The following ZBTB46 variants were observed in gnomAD, a reference collection of about 807,000 sequenced individuals.
ZBTB46 encodes the protein zinc finger and BTB domain containing 46.
In ZBTB46, 8 loss-of-function variants were observed where a neutral mutation model predicts 44.1. That is an observed-to-expected ratio of 0.18 (90% confidence interval 0.11 to 0.33). The LOEUF (loss-of-function observed/expected upper bound fraction) is 0.33. ZBTB46 is among the 10% of genes least tolerant of loss of function. The pLI is 1.00. For synonymous variants in ZBTB46, 409 were observed against 382.3 expected (o/e 1.07, Z -0.81); for missense variants, 651 against 847.7 (o/e 0.77, Z 2.88).
At chr20:63,791,482 C>A (rs1353364236) in intron 1 of ZBTB46, among the ~76,000 whole-genome samples, 1 of 117,116 alleles carries the variant, frequency 8.5e-6, no homozygotes, top group African/African-American at 3.3e-5. Context: ...GGCGACAGGG[C>A]GAGACTCCAT....
At chr20:63,756,452 C>T (rs373176811) in intron 3 of ZBTB46, among the ~76,000 whole-genome samples, 23 of 152,278 alleles carry the variant, frequency 1.5e-4, no homozygotes, top group African/African-American at 5.5e-4. Flanking sequence ...AGAGCATCTC[C>T]GAAAGGGATC....
intron 1 of ZBTB46, among the ~76,000 whole-genome samples, chr20:63,823,622 G>T (rs1417206009): frequency 6.6e-6 from 1 of 151,870 alleles, no homozygotes; most frequent in Non-Finnish European, 1.5e-5. Flanking sequence ...GATCACCTTA[G>T]CCCAGGTCGA....
chr20:63,749,527 G>T (rs538161834), intron 4 of ZBTB46, among the ~76,000 whole-genome samples: 1 of 152,006 alleles, frequency 6.6e-6, no homozygotes, highest in Non-Finnish European at 1.5e-5. Flanking sequence ...TAGTAGAGAC[G>T]GGGTTTCACC....
intron 3 of ZBTB46, among the ~76,000 whole-genome samples, chr20:63,755,884 T>C (rs757591541): frequency 1.1e-4 from 16 of 152,114 alleles, no homozygotes; most frequent in Non-Finnish European, 1.6e-4. Context: ...TCACGACCTG[T>C]CCTAAAAACG....
In ZBTB46 at chr20:63,790,585, G is replaced by A. The variant is rs772379123; in HGVS notation, c.173C>T (p.Thr58Met). Reference sequence around the variant, plus strand: ...CGTCTTCTGCACCTGGCAGTAGAGCGTCTTGAAGTAGCGGCTGCTGCCCAG... The same window carrying A: ...CGTCTTCTGCACCTGGCAGTAGAGCATCTTGAAGTAGCGGCTGCTGCCCAG... The part of the protein sequence containing the change: ...VLLGSSRYFK[T>M]LYCQVQKTSE... The change falls in exon 2 of 5, where the codon ACG becomes ATG. Residue 58 changes from threonine (T) to methionine (M), a missense_variant. Thr to Met is a moderately conservative substitution (Grantham distance 81). Around this residue, in one of 5 missense-constraint regions of ZBTB46, gnomAD observed 65 missense variants for 167.9 expected, o/e 0.39. Transcript: ENST00000245663. 6.8e-6 allele frequency: 11 copies of A among 1,613,120 alleles called. No homozygotes were observed. The highest frequency in any genetic ancestry group is 6.7e-5 in the East Asian group (3 of 44,894).
chr20:63,798,449 C>A (rs187647880), intron 1 of ZBTB46, among the ~76,000 whole-genome samples: 6 of 151,680 alleles, frequency 4.0e-5, no homozygotes, highest in African/African-American at 1.2e-4. Flanking sequence ...CCGAGGTGGG[C>A]GGATTACCTG....
chr20:63,753,627 G>A (rs981427976), intron 3 of ZBTB46, among the ~76,000 whole-genome samples: 2 of 152,214 alleles, frequency 1.3e-5, no homozygotes, highest in South Asian at 2.1e-4. Flanking sequence ...GGGACCCTAC[G>A]GGAGACCCAC....
chr20:63,817,879 C>G (rs576871556), intron 1 of ZBTB46, among the ~76,000 whole-genome samples: 13 of 152,276 alleles, frequency 8.5e-5, no homozygotes, highest in African/African-American at 3.1e-4. Context: ...CAGGAGGACC[C>G]TCCCCTGGAG....
chr20:63,800,670 T>C (rs11905140), intron 1 of ZBTB46, among the ~76,000 whole-genome samples: 27,342 of 152,102 alleles, frequency 0.18, 2,969 homozygotes, highest in East Asian at 0.45. Context: ...CCCAGGGCAA[T>C]GAGGGGCTTA....
chr20:63,794,150 C>T (rs1367340400), intron 1 of ZBTB46, among the ~76,000 whole-genome samples: 4 of 149,990 alleles, frequency 2.7e-5, no homozygotes, highest in African/African-American at 9.9e-5. Context: ...CGAGCCACTG[C>T]ACTCCATCCA....
At chr20:63,824,057 G>T (rs2146095743) in intron 1 of ZBTB46, among the ~76,000 whole-genome samples, 1 of 152,224 alleles carries the variant, frequency 6.6e-6, no homozygotes, top group African/African-American at 2.4e-5. Context: ...AGAGGCTCAG[G>T]GCAGGGTCGC....
intron 1 of ZBTB46, among the ~76,000 whole-genome samples, chr20:63,813,121 G>A (rs1260175061): frequency 6.9e-6 from 1 of 144,814 alleles, no homozygotes; most frequent in Non-Finnish European, 1.5e-5. Flanking sequence ...ACAAAAACAG[G>A]CATCAAAATA....
intron 1 of ZBTB46, among the ~76,000 whole-genome samples, chr20:63,805,226 C>A (rs1436954188): frequency 6.6e-6 from 1 of 152,088 alleles, no homozygotes; most frequent in Non-Finnish European, 1.5e-5. Context: ...ACCTACAGTA[C>A]CTTTTGAAAA....
At chr20:63,825,325 C>T (rs1272505359) in intron 1 of ZBTB46, among the ~76,000 whole-genome samples, 24 of 147,408 alleles carry the variant, frequency 1.6e-4, no homozygotes, top group Non-Finnish European at 3.0e-4. Flanking sequence ...CGCTTGAACC[C>T]GGGAGGCAGA....
chr20:63,791,072 T>G, intron 1 of ZBTB46: 1 of 334,482 alleles, frequency 3.0e-6, no homozygotes, highest in South Asian at 6.1e-5. Context: ...ATACGGCAAC[T>G]GGCATATCCC....
At chr20:63,772,255 C>T (rs1484508368) in intron 3 of ZBTB46, among the ~76,000 whole-genome samples, 1 of 152,040 alleles carries the variant, frequency 6.6e-6, no homozygotes, top group Non-Finnish European at 1.5e-5. Flanking sequence ...CTTGGCCTCC[C>T]AAAGTGCTGA....
chr20:63,753,647 G>A (rs112049755), intron 3 of ZBTB46, among the ~76,000 whole-genome samples: 4 of 152,224 alleles, frequency 2.6e-5, no homozygotes, highest in African/African-American at 4.8e-5. Context: ...CCTGAAGCCC[G>A]GTGCACGCAT....
upstream of ZBTB46, among the ~76,000 whole-genome samples, chr20:63,833,373 C>T (rs529074475): frequency 1.1e-4 from 16 of 152,246 alleles, no homozygotes; most frequent in East Asian, 2.9e-3. Flanking sequence ...AGGCGGATCA[C>T]GAGGTCAGGA....
chr20:63,782,988 G>A (rs985301935), intron 2 of ZBTB46, among the ~76,000 whole-genome samples: 1 of 152,196 alleles, frequency 6.6e-6, no homozygotes, highest in Non-Finnish European at 1.5e-5. Context: ...AAATTAGCCA[G>A]GCGTGGTGGC....
Sources: gnomAD v4.1 joint callset for allele counts (sites outside exome capture counted in the v4.1 genomes callset) on GRCh38, gnomAD v4.1.1 for gene constraint, gnomAD v4.1.1 regional missense constraint, MANE v1.5 for transcripts, NCBI Gene and HGNC (gene_info 2026-07-23, HGNC 2026-07-21) for gene names.